Variants in SCMH1 observed in about 807,000 individuals in gnomAD.
The protein encoded by SCMH1 is polycomb protein SCMH1.
SCMH1 carries 37 observed loss-of-function variants against 70.8 expected under a neutral mutation model. The observed-to-expected ratio is 0.52, with a 90% CI of 0.40 to 0.69. The LOEUF (loss-of-function observed/expected upper bound fraction) is 0.69, where lower values mean the gene tolerates loss of function less well. SCMH1 is among the 30% of genes least tolerant of loss of function. The pLI is 0.00. For synonymous variants in SCMH1, 292 were observed against 307.4 expected, an observed-to-expected ratio of 0.95 and a Z score of 0.52; for missense variants, 607 against 827.3, an observed-to-expected ratio of 0.73 and a Z score of 3.27.
chr1:41,151,487 C>T (rs1645071793), intron 5 of SCMH1, 127 bp downstream of exon 5: 1 of 603,144 alleles, frequency 1.7e-6, no homozygotes, highest in East Asian at 3.0e-5. Flanking sequence ...TGTGTTCTTC[C>T]CATAGAAGTT....
At chr1:41,108,497 T>C (rs1668545016) in intron 8 of SCMH1, among the ~76,000 whole-genome samples, 1 of 152,248 alleles carries the variant, frequency 6.6e-6, no homozygotes, top group Admixed American at 6.5e-5. Flanking sequence ...AAAGCATGTA[T>C]CTGTTTCAGT....
At chr1:41,070,150 T>G (rs1029438524) in intron 10 of SCMH1, among the ~76,000 whole-genome samples, 1 of 152,184 alleles carries the variant, frequency 6.6e-6, no homozygotes, top group Non-Finnish European at 1.5e-5. Context: ...CCCACCCATT[T>G]CATCCACCAG....
At chr1:41,233,943 T>C (rs978521997) in intron 1 of SCMH1, among the ~76,000 whole-genome samples, 1 of 152,200 alleles carries the variant, frequency 6.6e-6, no homozygotes, top group East Asian at 1.9e-4. Context: ...TTACTTAACT[T>C]TGTGCTTGTT....
chr1:41,121,962 C>T (rs755860493), intron 6 of SCMH1, among the ~76,000 whole-genome samples: 1 of 152,126 alleles, frequency 6.6e-6, no homozygotes, highest in Non-Finnish European at 1.5e-5. Context: ...TTAATATATG[C>T]TAGATCGACC....
exon 6 of SCMH1, chr1:41,142,986 G>A: frequency 6.2e-7 from 1 of 1,614,150 alleles, no homozygotes; most frequent in Non-Finnish European, 8.5e-7. Context: ...CTCCCATCAA[G>A]GCGCAGGCGA....
intron 2 of SCMH1, among the ~76,000 whole-genome samples, chr1:41,177,073 G>A (rs1420256390): frequency 6.6e-6 from 1 of 152,192 alleles, no homozygotes; most frequent in Non-Finnish European, 1.5e-5. Context: ...AGCAACATTT[G>A]CTGTTCACCA....
At chr1:41,104,459 C>T (rs1006470057) in intron 8 of SCMH1, among the ~76,000 whole-genome samples, 5 of 152,038 alleles carry the variant, frequency 3.3e-5, no homozygotes, top group Non-Finnish European at 7.4e-5. Flanking sequence ...ATTAAAGGCA[C>T]CAAAAAGTTA....
chr1:41,218,088 T>A (rs1658481988), intron 1 of SCMH1, among the ~76,000 whole-genome samples: 1 of 152,176 alleles, frequency 6.6e-6, no homozygotes, highest in Admixed American at 6.5e-5. Context: ...ATATAAAAAA[T>A]GAAATTAGGA....
At chr1:41,165,985 C>T (rs1646384993) in intron 2 of SCMH1, among the ~76,000 whole-genome samples, 1 of 152,020 alleles carries the variant, frequency 6.6e-6, no homozygotes, top group East Asian at 1.9e-4. Context: ...GTTTCAGTTT[C>T]ATAGTTTCAA....
At chr1:41,095,466 T>C (rs762415106) in intron 8 of SCMH1, among the ~76,000 whole-genome samples, 2 of 152,276 alleles carry the variant, frequency 1.3e-5, no homozygotes, top group Admixed American at 6.5e-5. Flanking sequence ...CAGTGAAAAC[T>C]GGGAAAAAAA....
chr1:41,198,983 C>T (rs532433531), intron 1 of SCMH1, among the ~76,000 whole-genome samples: 11 of 152,058 alleles, frequency 7.2e-5, no homozygotes, highest in Middle Eastern at 3.4e-3. Flanking sequence ...TTATTAAACA[C>T]GCCAAGGTAT....
intron 8 of SCMH1, among the ~76,000 whole-genome samples, chr1:41,097,031 G>T (rs1319733146): frequency 6.6e-6 from 1 of 152,006 alleles, no homozygotes; most frequent in African/African-American, 2.4e-5. Flanking sequence ...TATACAAAAG[G>T]GCAAAAATAC....
chr1:41,160,734 G>T, intron 4 of SCMH1, 141 bp downstream of exon 4: 1 of 779,982 alleles, frequency 1.3e-6, no homozygotes, highest in East Asian at 2.7e-5. Flanking sequence ...GGATAATTAG[G>T]CAGACAAGAG....
chr1:41,085,216 C>T (rs1269374631), intron 8 of SCMH1, among the ~76,000 whole-genome samples: 1 of 151,732 alleles, frequency 6.6e-6, no homozygotes, highest in Non-Finnish European at 1.5e-5. Context: ...TGGGTCTATA[C>T]TATAAATGCA....
chr1:41,104,249 G>T (rs75492412), intron 8 of SCMH1, among the ~76,000 whole-genome samples: 14 of 152,308 alleles, frequency 9.2e-5, no homozygotes, highest in African/African-American at 3.4e-4. Context: ...ACATGAGCCT[G>T]TAACTGTGGA....
chr1:41,110,939 G>A lies in SCMH1; in HGVS notation c.745+2344C>T, dbSNP rs116411846. 2.7e-3 allele frequency among the ~76,000 whole-genome samples: 406 copies of A among 152,280 alleles called. 1 individual carries two copies. Among genetic ancestry groups the A allele is most frequent in the African/African-American group, 9.5e-3 (393 of 41,566 alleles). On this transcript the variant is annotated intron_variant, in intron 8 of 14. Coordinates refer to ENST00000337495, the Ensembl canonical transcript of SCMH1. Reference sequence around the variant, plus strand: ...GAATTCCAGTTTTTCCACATTCTCAGCAACATTTGTTATTATCTGTCTTTT... The same window carrying A: ...GAATTCCAGTTTTTCCACATTCTCAACAACATTTGTTATTATCTGTCTTTT...
chr1:41,076,456 T>TGTACTATAAGTTATACA (rs1658313106), intron 8 of SCMH1, among the ~76,000 whole-genome samples: 3 of 152,104 alleles, frequency 2.0e-5, no homozygotes, highest in African/African-American at 7.2e-5. Context: ...TGTACTAAGC[T>TGTACTATAAGTTATACA]CTGGGGATAG....
At chr1:41,100,813 C>G (rs996776286) in intron 8 of SCMH1, among the ~76,000 whole-genome samples, 7 of 152,114 alleles carry the variant, frequency 4.6e-5, no homozygotes, top group African/African-American at 1.7e-4. Context: ...ATCCGCCTGC[C>G]TTGGCCTCCC....
intron 8 of SCMH1, among the ~76,000 whole-genome samples, chr1:41,096,034 TA>T (rs1664963802): frequency 6.6e-6 from 1 of 152,030 alleles, no homozygotes; most frequent in Non-Finnish European, 1.5e-5. Context: ...TTAAAAACTG[TA>T]AAAAATAAAA....
Sources: allele counts gnomAD v4.1 joint callset (sites outside exome capture counted in the v4.1 genomes callset), GRCh38; gene constraint gnomAD v4.1.1; transcripts MANE v1.5; gene names NCBI Gene and HGNC (gene_info 2026-07-23, HGNC 2026-07-21).